The following NAT16 variants were observed in gnomAD, a reference collection of about 807,000 sequenced individuals.
NAT16 encodes N-acetyltransferase 16 (putative).
In NAT16, 16 loss-of-function variants were observed where a neutral mutation model predicts 15.9. The observed-to-expected ratio is 1.01, with a 90% CI of 0.68 to 1.53. The LOEUF (loss-of-function observed/expected upper bound fraction) is 1.53. NAT16 is among the 40% of genes most tolerant of loss of function. The pLI is 0.00. For synonymous variants in NAT16, 260 were observed against 241.9 expected (o/e 1.07, Z -0.69); for missense variants, 572 against 508.4 (o/e 1.13, Z -1.20).
intron 1 of NAT16, among the ~76,000 whole-genome samples, chr7:101,177,061 CTT>C (rs1162879463): frequency 6.6e-6 from 1 of 152,184 alleles, no homozygotes; most frequent in Non-Finnish European, 1.5e-5. Flanking sequence ...CTATCTCCCT[CTT>C]TGTTTTCTGA....
intron 1 of NAT16, among the ~76,000 whole-genome samples, chr7:101,175,903 C>T (rs1183038424): frequency 7.5e-6 from 1 of 133,092 alleles, no homozygotes; most frequent in Non-Finnish European, 1.6e-5. Flanking sequence ...GCCTGTGTGA[C>T]AGAGAGAGAA....
In NAT16 at chr7:101,180,269, A is replaced by G. The variant is rs573866815; in HGVS notation, c.-232T>C. The G allele has an allele frequency of 6.6e-6, 1 of 152,274 alleles. No individual in the cohort carries two copies. The highest frequency in any genetic ancestry group is 1.5e-5 in the Non-Finnish European group (1 of 68,048). 9.4% of individuals were successfully genotyped at this position (152,274 alleles called of 1,614,324 possible). On this transcript the variant is annotated 5_prime_UTR_variant, in exon 1 of 4. An upstream start codon of the reference 5' UTR is lost. Transcript: ENST00000300303. ...GTTGGCGACGCGGGCCGGGGCGCCC[A>G]TCGGTTCAGGGGTTCGGGTGGCACG... is the stretch of plus-strand genomic sequence containing the variant.
rs868016095 is a variant in NAT16 at position 101,174,677 on chromosome 7, G to A, written c.131C>T (p.Ser44Leu). 3 of 1,613,684 alleles carry A rather than the reference G, an allele frequency of 1.9e-6. No individual in the cohort carries two copies. The highest frequency in any genetic ancestry group is 2.7e-5 in the African/African-American group (2 of 74,872). ...TGGCTCGGCCTCAGCCTCAGGCCCC[G>A]ATCCCGACCTGGGCTCGGCCTCCAC... ...QEVEAEPRSGSGPEAEAEPLD... is the reference protein window; with the variant it reads ...QEVEAEPRSGLGPEAEAEPLD... The change falls in exon 2 of 4, where the codon TCG becomes TTG. Residue 44 changes from serine to leucine, a missense_variant. By Grantham distance (145) the Ser-to-Leu change is moderately radical. Coordinates refer to ENST00000300303, the MANE Select transcript of NAT16 (RefSeq NM_198571.3).
At chr7:101,174,336 G>T (rs925742044) in intron 2 of NAT16, 160 bp downstream of exon 2, 24 of 931,588 alleles carry the variant, frequency 2.6e-5, no homozygotes, top group Non-Finnish European at 3.7e-5. Flanking sequence ...ATAGCCCCTG[G>T]ATCCGCACTG....
rs755091286 is a variant in NAT16, at chr7:101,174,592, G to GC, written c.215dup (p.Ile73HisfsTer10). On this transcript the variant is annotated frameshift_variant, in exon 2 of 4. Transcript: ENST00000300303. LOFTEE classifies it high-confidence loss of function. ...GAAGGTAGTCCAGGCCGCCGTAGAT[G>GC]CCCCCCGAGATGGCCAGCACTTCCT... The GC allele has an allele frequency of 8.7e-6, 14 of 1,614,122 alleles. No homozygotes were observed. Among genetic ancestry groups the GC allele is most frequent in the East Asian group, 2.2e-5 (1 of 44,882 alleles).
Position 101,171,713 on chromosome 7 carries a change from G to C in NAT16, c.*366C>G. ...GGGGCAGAAGGGAGAAGCCAGGAAAGGGGGAGTTCACGCCCCGGGTGAGGT... is the reference window on the plus strand; with the variant it reads ...GGGGCAGAAGGGAGAAGCCAGGAAACGGGGAGTTCACGCCCCGGGTGAGGT... On this transcript the variant is annotated 3_prime_UTR_variant, in exon 4 of 4. Coordinates refer to ENST00000300303, the MANE Select transcript of NAT16 (RefSeq NM_198571.3). 4.9e-6 allele frequency: 1 copy of C among 205,352 alleles called. No homozygotes were observed. Among genetic ancestry groups the C allele is most frequent in the Non-Finnish European group, 9.7e-6 (1 of 103,018 alleles). The allele number at this position is 205,352 out of a possible 1,614,324, so 12.7% of individuals were successfully genotyped here. A position where few individuals can be genotyped will look rare whatever the true frequency, so the allele number is the denominator to read the frequency against.
In NAT16 at chr7:101,172,622, G is replaced by A. The variant is rs1365180189; in HGVS notation, c.567C>T (p.Ser189=). 6.6e-7 allele frequency: 1 copy of A among 1,524,270 alleles called. No individual in the cohort carries two copies. Among genetic ancestry groups the A allele is most frequent in the Non-Finnish European group, 8.7e-7 (1 of 1,144,158 alleles). 94.4% of individuals were successfully genotyped at this position (1,524,270 alleles called of 1,614,324 possible). The change falls in exon 4 of 4, where the codon TCC becomes TCT. Residue 189 remains serine (S), a synonymous_variant. Coordinates refer to ENST00000300303, the MANE Select transcript of NAT16 (RefSeq NM_198571.3). This position sits in a 1 kb window ranked among gnomAD's most constrained non-coding sequence, Gnocchi z 4.2. Reference sequence around the variant, plus strand: ...GCGCGCCCAGCCCGGCCAGCAGCGCGGACGCGTTGAATCGGACCAAAAGGA... The same window carrying A: ...GCGCGCCCAGCCCGGCCAGCAGCGCAGACGCGTTGAATCGGACCAAAAGGA... The part of the protein sequence containing the change: ...QGILLVRFNA[S]ALLAGLGARL...
chr7:101,172,195 G>A lies in NAT16; in HGVS notation c.994C>T (p.Gln332Ter), dbSNP rs1281726522. 1.9e-6 allele frequency: 3 copies of A among 1,613,820 alleles called. No homozygotes were observed. The highest frequency in any genetic ancestry group is 2.5e-6 in the Non-Finnish European group (3 of 1,179,964). ...PRLVGLNVMC[Q>*]LFLEPQLWSQ... is the part of the protein sequence containing the mutation. ...CACAGCTGGGGCTCCAGGAAGAGCT[G>A]GCACATGACGTTGAGGCCAACGAGG... The change falls in exon 4 of 4, where the codon CAG becomes TAG. Residue 332 changes from glutamine (Q) to a stop codon, truncating the protein, a stop_gained. Transcript: ENST00000300303. LOFTEE classifies it low-confidence loss of function (END_TRUNC). This position sits in a 1 kb window ranked among gnomAD's most constrained non-coding sequence, Gnocchi z 4.2.
chr7:101,176,079 C>A (rs969098187), intron 1 of NAT16, among the ~76,000 whole-genome samples: 8 of 152,176 alleles, frequency 5.3e-5, no homozygotes, highest in Admixed American at 2.0e-4. Flanking sequence ...CCATTTCCTG[C>A]CACTACCAGC....
intron 1 of NAT16, among the ~76,000 whole-genome samples, chr7:101,178,503 G>C (rs1322014963): frequency 6.6e-6 from 1 of 151,900 alleles, no homozygotes; most frequent in East Asian, 1.9e-4. Context: ...AGAGGCGGAG[G>C]CAGCTGGTGA....
At position 101,174,736 on chromosome 7, in the gene NAT16, A is replaced by G. The variant is rs1797428959; in HGVS notation, c.72T>C (p.Asp24=). ...GCCGGGTTTCAGAGCTTGGCTCTGC[A>G]TCTCGGGCAGTCTTCTTTTCCGGCT... ...VPKPEKKTAR[D]AEPSSETRPQ... The change falls in exon 2 of 4, where the codon GAT becomes GAC. Residue 24 remains aspartate, a synonymous_variant. Transcript: ENST00000300303. 5.6e-6 allele frequency: 9 copies of G among 1,608,674 alleles called. No homozygotes were observed. Among genetic ancestry groups the G allele is most frequent in the Non-Finnish European group, 6.8e-6 (8 of 1,179,084 alleles).
chr7:101,172,354 G>T lies in NAT16; in HGVS notation c.835C>A (p.Leu279Met). ...DSRARPRVLT[L>M]CTRPFPIPHG... The stretch of plus-strand genomic sequence containing the variant: ...GGGATGGGGAAGGGGCGCGTGCACA[G>T]CGTGAGCACGCGCGGGCGCGCGCGG... Residue 279 changes from leucine to methionine, a missense_variant, in exon 4 of 4, where the codon CTG (leucine) becomes ATG (methionine). Physicochemically the swap from Leu to Met is conservative, Grantham distance 15. Transcript: ENST00000300303. The surrounding 1 kb of genome is among the most constrained non-coding windows in gnomAD (Gnocchi z 4.2). 6.3e-7 allele frequency: 1 copy of T among 1,586,494 alleles called. No homozygotes were observed. Among genetic ancestry groups the T allele is most frequent in the South Asian group, 1.1e-5 (1 of 88,890 alleles).
At position 101,172,980 on chromosome 7, in the gene NAT16, AT is replaced by A. The variant is rs1431979873; in HGVS notation, c.537+315del. On this transcript the variant is annotated intron_variant, in intron 3 of 3. Coordinates refer to ENST00000300303, the MANE Select transcript of NAT16 (RefSeq NM_198571.3). This position sits in a 1 kb window ranked among gnomAD's most constrained non-coding sequence, Gnocchi z 4.2. ...CCAGGGAGGCCGATCAGTCAGTAGG[AT>A]TGGGAGGAGCAGAGGGAGGACAAAG... Among the ~76,000 whole-genome samples, 5 of 152,022 alleles carry A rather than the reference AT, an allele frequency of 3.3e-5. No individual in the cohort carries two copies. The highest frequency in any genetic ancestry group is 1.3e-4 in the Admixed American group (2 of 15,266).
chr7:101,174,702 C>G lies in NAT16; in HGVS notation c.106G>C (p.Val36Leu). ...EPSSETRPQE[V>L]EAEPRSGSGP... ...GATCCCGACCTGGGCTCGGCCTCCA[C>G]CTCCTGTGGCCGGGTTTCAGAGCTT... The change falls in exon 2 of 4, where the codon GTG becomes CTG. Residue 36 changes from valine to leucine, a missense_variant. Physicochemically the swap from Val to Leu is conservative, Grantham distance 32. Transcript: ENST00000300303. The G allele has an allele frequency of 6.2e-7, 1 of 1,613,386 alleles. No homozygotes were observed. Among genetic ancestry groups the G allele is most frequent in the Non-Finnish European group, 8.5e-7 (1 of 1,180,004 alleles).
chr7:101,178,198 G>A (rs539387905), intron 1 of NAT16, among the ~76,000 whole-genome samples: 1 of 152,298 alleles, frequency 6.6e-6, no homozygotes, highest in South Asian at 2.1e-4. Context: ...GGTAGGGGTG[G>A]ACGTGGGGAG....
At chr7:101,175,028 C>T (rs1001327930) in intron 1 of NAT16, among the ~76,000 whole-genome samples, 16 of 152,162 alleles carry the variant, frequency 1.1e-4, no homozygotes, top group Non-Finnish European at 1.9e-4. Context: ...GATCTCGGCT[C>T]GCTGCAACCT....
Position 101,172,634 on chromosome 7 carries a change from T to G in NAT16, c.555A>C (p.Arg185=). 6.6e-7 allele frequency: 1 copy of G among 1,521,052 alleles called. No homozygotes were observed. The allele number at this position is 1,521,052 out of a possible 1,614,324, so 94.2% of individuals were successfully genotyped here. The part of the protein sequence containing the change: ...LITKQGILLV[R]FNASALLAGL... ...CGGCCAGCAGCGCGGACGCGTTGAA[T>G]CGGACCAAAAGGATGCCCTGCGGGG... is the stretch of plus-strand genomic sequence containing the variant. Residue 185 remains arginine, a synonymous_variant, in exon 4 of 4, where the codon CGA becomes CGC. Transcript: ENST00000300303. The surrounding 1 kb of genome is among the most constrained non-coding windows in gnomAD (Gnocchi z 4.2).
At chr7:101,177,202 C>G (rs1797487006) in intron 1 of NAT16, among the ~76,000 whole-genome samples, 1 of 152,162 alleles carries the variant, frequency 6.6e-6, no homozygotes, top group Non-Finnish European at 1.5e-5. Flanking sequence ...CAGGTTCAAC[C>G]CATTCATTTC....
chr7:101,172,608 C>G lies in NAT16; in HGVS notation c.581G>C (p.Gly194Ala). The change falls in exon 4 of 4, where the codon GGG becomes GCG. Residue 194 changes from glycine (G) to alanine (A), a missense_variant. Coordinates refer to ENST00000300303, the MANE Select transcript of NAT16 (RefSeq NM_198571.3). The surrounding 1 kb of genome is among the most constrained non-coding windows in gnomAD (Gnocchi z 4.2). ...VRFNASALLA[G>A]LGARLAALRT... The stretch of plus-strand genomic sequence containing the variant: ...CAGCGCCGCCAGCCGCGCGCCCAGC[C>G]CGGCCAGCAGCGCGGACGCGTTGAA... 1 of 1,527,620 alleles carries G rather than the reference C, an allele frequency of 6.5e-7. No homozygotes were observed. The highest frequency in any genetic ancestry group is 8.7e-7 in the Non-Finnish European group (1 of 1,145,694). 94.6% of individuals were successfully genotyped at this position (1,527,620 alleles called of 1,614,324 possible).
Sources: allele counts gnomAD v4.1 joint callset (sites outside exome capture counted in the v4.1 genomes callset), GRCh38; gene constraint gnomAD v4.1.1; non-coding constraint Gnocchi (gnomAD v3.1); transcripts MANE v1.5; gene names NCBI Gene and HGNC (gene_info 2026-07-23, HGNC 2026-07-21).